The following CTNNA3 variants were observed in gnomAD, a reference collection of about 807,000 sequenced individuals.
CTNNA3 encodes the protein catenin alpha 3.
Under a neutral mutation model 95.7 loss-of-function variants are expected in CTNNA3, and 76 were observed. That is an observed-to-expected ratio of 0.79 (90% confidence interval 0.66 to 0.96). CTNNA3 has a LOEUF of 0.96. Ranked by LOEUF, CTNNA3 falls within the 40% of genes least tolerant of loss-of-function variation. CTNNA3 has a pLI of 0.00. For synonymous variants in CTNNA3, 431 were observed against 374.4 expected, an observed-to-expected ratio of 1.15 and a Z score of -1.74; for missense variants, 1,191 against 1,089.8, an observed-to-expected ratio of 1.09 and a Z score of -1.31.
chr10:67,189,068 G>A (rs1862996669), intron 6 of CTNNA3, among the ~76,000 whole-genome samples: 2 of 151,758 alleles, frequency 1.3e-5, no homozygotes, highest in African/African-American at 4.8e-5. Context: ...GGTGAGCTGT[G>A]AGCATGCTGC....
chr10:66,908,673 TG>T (rs1035639880), intron 7 of CTNNA3, among the ~76,000 whole-genome samples: 19 of 152,148 alleles, frequency 1.2e-4, no homozygotes, highest in Non-Finnish European at 2.6e-4. Context: ...GATTAATCAT[TG>T]TTTTTTTTTA....
At chr10:66,490,397 T>A (rs1265879109) in intron 11 of CTNNA3, among the ~76,000 whole-genome samples, 1 of 152,180 alleles carries the variant, frequency 6.6e-6, no homozygotes, top group Non-Finnish European at 1.5e-5. Context: ...CAAGAACTTG[T>A]TCTCTCAATT....
chr10:66,956,872 A>G (rs1390364636), intron 7 of CTNNA3, among the ~76,000 whole-genome samples: 2 of 152,238 alleles, frequency 1.3e-5, no homozygotes, highest in Non-Finnish European at 2.9e-5. Context: ...CAAGGGCCTC[A>G]TCCTCCTACG....
chr10:67,758,317 T>TAG (rs1841444678), intron 1 of CTNNA3, among the ~76,000 whole-genome samples: 1 of 75,310 alleles, frequency 1.3e-5, no homozygotes, highest in Admixed American at 1.7e-4. Flanking sequence ...TATATATAAA[T>TAG]ATATATACAC....
chr10:67,700,310 C>T (rs1381587940), upstream of CTNNA3, among the ~76,000 whole-genome samples: 2 of 152,200 alleles, frequency 1.3e-5, no homozygotes, highest in Non-Finnish European at 2.9e-5. Context: ...TGAGAATGGG[C>T]AGACTGCCTC....
chr10:67,477,006 C>T (rs999609050), intron 5 of CTNNA3, among the ~76,000 whole-genome samples: 6 of 151,192 alleles, frequency 4.0e-5, no homozygotes, highest in African/African-American at 7.3e-5. Context: ...CCATGCCCAG[C>T]GATACCTCCA....
At chr10:65,983,388 A>G (rs188238725) in intron 16 of CTNNA3, among the ~76,000 whole-genome samples, 1 of 151,624 alleles carries the variant, frequency 6.6e-6, no homozygotes, top group East Asian at 1.9e-4. Flanking sequence ...ACTATTTGAA[A>G]TCTTTTTGTG....
chr10:67,097,609 C>A (rs1858086568), intron 7 of CTNNA3: 4 of 1,612,246 alleles, frequency 2.5e-6, no homozygotes, highest in Non-Finnish European at 3.4e-6. Context: ...ATGAATGTGT[C>A]AACCTTTCTG....
intron 15 of CTNNA3, among the ~76,000 whole-genome samples, chr10:66,055,000 C>T (rs1006540501): frequency 6.6e-6 from 1 of 152,122 alleles, no homozygotes; most frequent in African/African-American, 2.4e-5. Flanking sequence ...AATGTATTTT[C>T]TTGGCATTTT....
At chr10:66,473,610 C>A (rs1162515111) in intron 11 of CTNNA3, among the ~76,000 whole-genome samples, 2 of 151,994 alleles carry the variant, frequency 1.3e-5, no homozygotes, top group Non-Finnish European at 2.9e-5. Context: ...TGGTGTGCTG[C>A]ACCCATTAAC....
At chr10:67,701,393 C>A (rs1242014339) in intron 1 of CTNNA3, among the ~76,000 whole-genome samples, 2 of 152,112 alleles carry the variant, frequency 1.3e-5, no homozygotes, top group East Asian at 3.9e-4. Flanking sequence ...AGGTTACTCA[C>A]AAAGGGAAGT....
intron 16 of CTNNA3, among the ~76,000 whole-genome samples, chr10:65,971,873 C>T (rs112459928): frequency 2.6e-5 from 4 of 152,064 alleles, no homozygotes; most frequent in South Asian, 4.1e-4. Context: ...ATCTCTGATA[C>T]CAATATCTCT....
At chr10:67,278,307 G>A (rs1839264962) in intron 5 of CTNNA3, among the ~76,000 whole-genome samples, 2 of 152,132 alleles carry the variant, frequency 1.3e-5, no homozygotes, top group African/African-American at 4.8e-5. Context: ...CACAGCCCTT[G>A]GGAGGTCCAG....
intron 5 of CTNNA3, among the ~76,000 whole-genome samples, chr10:67,311,613 T>G (rs1393252318): frequency 1.3e-5 from 2 of 152,212 alleles, no homozygotes; most frequent in African/African-American, 4.8e-5. Context: ...TGCATTTTAT[T>G]GTATTCAAAT....
intron 5 of CTNNA3, among the ~76,000 whole-genome samples, chr10:67,315,109 T>G (rs1174315887): frequency 6.6e-6 from 1 of 152,238 alleles, no homozygotes; most frequent in African/African-American, 2.4e-5. Flanking sequence ...ACCTTTTCTT[T>G]TCTCCATCTG....
intron 9 of CTNNA3, among the ~76,000 whole-genome samples, chr10:66,760,038 T>C (rs1476849443): frequency 2.0e-5 from 3 of 152,202 alleles, no homozygotes; most frequent in Non-Finnish European, 4.4e-5. Flanking sequence ...TCAAGTTCAT[T>C]ATTAAAACTA....
chr10:65,951,048 G>A (rs1378397328), intron 17 of CTNNA3, among the ~76,000 whole-genome samples: 1 of 152,078 alleles, frequency 6.6e-6, no homozygotes, highest in Non-Finnish European at 1.5e-5. Context: ...ACAATATATT[G>A]TACCATTTTG....
chr10:67,581,414 T>A (rs1401196993), intron 3 of CTNNA3, among the ~76,000 whole-genome samples: 1 of 152,222 alleles, frequency 6.6e-6, no homozygotes, highest in East Asian at 1.9e-4. Context: ...GAAGCCAACT[T>A]CATCACGGTG....
intron 13 of CTNNA3, among the ~76,000 whole-genome samples, chr10:66,166,007 C>T (rs184830093): frequency 2.4e-4 from 36 of 152,064 alleles, no homozygotes; most frequent in Non-Finnish European, 4.7e-4. Context: ...ACCTTGTGAT[C>T]CATCCTCTTC....
Sources: gnomAD v4.1 joint callset for allele counts (sites outside exome capture counted in the v4.1 genomes callset) on GRCh38, gnomAD v4.1.1 for gene constraint, MANE v1.5 for transcripts, NCBI Gene and HGNC (gene_info 2026-07-23, HGNC 2026-07-21) for gene names.